The following ICE1 variants were observed in gnomAD, a reference collection of about 807,000 sequenced individuals.
ICE1 encodes the protein little elongation complex subunit 1.
A neutral mutation model predicts 192.7 loss-of-function variants in ICE1; 64 were observed. The ratio of observed to expected loss-of-function variants is 0.33; its 90% confidence interval spans 0.27 to 0.41. The LOEUF is 0.41. Among genes scored for constraint, ICE1 ranks in the 10% least tolerant of loss-of-function variants. ICE1 has a pLI of 1.00. For synonymous variants in ICE1, 1,010 were observed against 984.5 expected (o/e 1.03, Z -0.49); for missense variants, 2,708 against 2,696.0 (o/e 1.00, Z -0.10).
In ICE1 at chr5:5,465,050, G is replaced by A. The variant is rs1024906980; in HGVS notation, c.5716G>A (p.Glu1906Lys). The A allele has an allele frequency of 1.2e-6, 2 of 1,613,974 alleles. No homozygotes were observed. Among genetic ancestry groups the A allele is most frequent in the Non-Finnish European group, 1.7e-6 (2 of 1,179,880 alleles). The change falls in exon 13 of 19, where the codon GAA (glutamate) becomes AAA (lysine). Residue 1906 changes from glutamate (E) to lysine (K), a missense_variant. Coordinates refer to ENST00000296564, the MANE Select transcript of ICE1 (RefSeq NM_015325.3). The stretch of plus-strand genomic sequence containing the variant: ...TTCACAGTTGCCTTTAAGCCCAAAA[G>A]AAACTGTGGAGTCCCATGATAAAGC... ...AVSQLPLSPK[E>K]TVESHDKAIA...
At chr5:5,479,430 AAGTC>A (rs1739433285) in intron 17 of ICE1, among the ~76,000 whole-genome samples, 2 of 152,220 alleles carry the variant, frequency 1.3e-5, no homozygotes, top group Admixed American at 6.5e-5. Flanking sequence ...GATCATTAAA[AAGTC>A]AGGAAACAAC....
chr5:5,454,189 C>G (rs1471870511), intron 10 of ICE1, among the ~76,000 whole-genome samples: 2 of 152,152 alleles, frequency 1.3e-5, no homozygotes, highest in Admixed American at 1.3e-4. Context: ...CTTCCTTCCC[C>G]CATCTCAAAG....
chr5:5,436,475 G>A lies in ICE1; in HGVS notation c.142G>A (p.Asp48Asn). 1 of 1,461,588 alleles carries A rather than the reference G, an allele frequency of 6.8e-7. No individual in the cohort carries two copies. Among genetic ancestry groups the A allele is most frequent in the African/African-American group, 1.5e-5 (1 of 68,200 alleles). The allele number at this position is 1,461,588 out of a possible 1,614,324, so 90.5% of individuals were successfully genotyped here. The change falls in exon 2 of 19, where the codon GAT (aspartate) becomes AAT (asparagine). Residue 48 changes from aspartate (D) to asparagine (N), a missense_variant and splice_region_variant. By Grantham distance (23) the Asp-to-Asn change is conservative. Around this residue, in one of 2 missense-constraint regions of ICE1, gnomAD observed 2,366 missense variants for 2,276.6 expected, o/e 1.04. Transcript: ENST00000296564. ...CTTGAAACAAAAAATTATCAATACA[G>A]AGTAAGTATATTTGCATGTCGTTTG... ...ITLKQKIINT[D>N]NLLTEYQKKC...
Position 5,463,489 on chromosome 5 carries a change from T to C in ICE1, c.4155T>C (p.Ser1385=). 1 of 1,613,162 alleles carries C rather than the reference T, an allele frequency of 6.2e-7. No homozygotes were observed. The highest frequency in any genetic ancestry group is 8.5e-7 in the Non-Finnish European group (1 of 1,179,504). The change falls in exon 13 of 19, where the codon AGT becomes AGC. Residue 1385 remains serine, a synonymous_variant. Transcript: ENST00000296564. The part of the protein sequence containing the change: ...DSVMEPSIEQ[S]SNCEAETTFQ... Reference sequence around the variant, plus strand: ...TGATGGAGCCATCCATAGAGCAAAGTTCTAACTGCGAGGCCGAAACAACAT... The same window carrying C: ...TGATGGAGCCATCCATAGAGCAAAGCTCTAACTGCGAGGCCGAAACAACAT...
intron 17 of ICE1, among the ~76,000 whole-genome samples, chr5:5,478,016 T>C (rs1739368814): frequency 6.6e-6 from 1 of 152,182 alleles, no homozygotes; most frequent in Non-Finnish European, 1.5e-5. Flanking sequence ...ACAGCCAGTA[T>C]CATACTGAAT....
At position 5,464,775 on chromosome 5, in the gene ICE1, G is replaced by C. The variant is rs528886062; in HGVS notation, c.5441G>C (p.Gly1814Ala). The change falls in exon 13 of 19, where the codon GGT becomes GCT. Residue 1814 changes from glycine (G) to alanine (A), a missense_variant. Around this residue, in one of 2 missense-constraint regions of ICE1, gnomAD observed 2,366 missense variants for 2,276.6 expected, o/e 1.04. Coordinates refer to ENST00000296564, the MANE Select transcript of ICE1 (RefSeq NM_015325.3). This position sits in a 1 kb window ranked among gnomAD's most constrained non-coding sequence, Gnocchi z 4.0. ...TTTGTCAAAACTGGGAGCAGCTCTGGTGGTGACTGTAACCAAGACAAGTCA... is the reference window on the plus strand; with the variant it reads ...TTTGTCAAAACTGGGAGCAGCTCTGCTGGTGACTGTAACCAAGACAAGTCA... ...TAFVKTGSSS[G>A]GDCNQDKSRD... 12 of 1,613,800 alleles carry C rather than the reference G, an allele frequency of 7.4e-6. No individual in the cohort carries two copies. The highest frequency in any genetic ancestry group is 3.3e-4 in the Middle Eastern group (2 of 6,060).
At chr5:5,451,155 G>A (rs568767878) in intron 10 of ICE1, among the ~76,000 whole-genome samples, 1 of 151,974 alleles carries the variant, frequency 6.6e-6, no homozygotes, top group South Asian at 2.1e-4. Flanking sequence ...ACTCACATAA[G>A]ACACACAAAA....
In ICE1 at chr5:5,461,455, C is replaced by G. The variant is rs772425245; in HGVS notation, c.2121C>G (p.Ser707Arg). ...TGGAGAATAGCTTGTGTGCCTTGAG[C>G]CCTGAATTGGGAGCATCTAATTTTA... Reference protein sequence around the residue: ...NNLENSLCALSPELGASNFND... With the variant: ...NNLENSLCALRPELGASNFND... The change falls in exon 13 of 19, where the codon AGC (serine) becomes AGG (arginine). Residue 707 changes from serine (S) to arginine (R), a missense_variant. By Grantham distance (110) the Ser-to-Arg change is moderately radical. This residue lies in a region of ICE1 where 2,366 missense variants were observed against 2,276.6 expected (regional missense o/e 1.04). Transcript: ENST00000296564. The G allele has an allele frequency of 1.2e-6, 2 of 1,613,836 alleles. No homozygotes were observed. Among genetic ancestry groups the G allele is most frequent in the Non-Finnish European group, 1.7e-6 (2 of 1,179,894 alleles).
At chr5:5,446,731 G>A (rs1434823397) in intron 7 of ICE1, among the ~76,000 whole-genome samples, 1 of 152,102 alleles carries the variant, frequency 6.6e-6, no homozygotes, top group East Asian at 1.9e-4. Context: ...ACTTAATAAA[G>A]ATTACTGAGA....
At chr5:5,450,088 A>C (rs1738368430) in intron 10 of ICE1, among the ~76,000 whole-genome samples, 1 of 152,250 alleles carries the variant, frequency 6.6e-6, no homozygotes, top group South Asian at 2.1e-4. Flanking sequence ...TAAAACTTAG[A>C]GAAAAAGCAG....
Position 5,464,046 on chromosome 5 carries a change from C to G in ICE1, c.4712C>G (p.Ser1571Ter). Residue 1571 changes from serine (S) to a stop codon, truncating the protein, a stop_gained, in exon 13 of 19, where the codon TCA becomes TGA. Transcript: ENST00000296564. LOFTEE classifies it high-confidence loss of function. This position sits in a 1 kb window ranked among gnomAD's most constrained non-coding sequence, Gnocchi z 4.0. ...CAGTCAAACAAACCAGTAAAAACTTCAGCGTCGAGCAGAGTTGAAACTCAT... is the reference window on the plus strand; with the variant it reads ...CAGTCAAACAAACCAGTAAAAACTTGAGCGTCGAGCAGAGTTGAAACTCAT... ...KDQSNKPVKT[S>*]ASSRVETHQS... is the part of the protein sequence containing the mutation. The G allele has an allele frequency of 2.5e-6, 4 of 1,613,616 alleles. No homozygotes were observed. The highest frequency in any genetic ancestry group is 3.4e-6 in the Non-Finnish European group (4 of 1,179,866).
chr5:5,427,709 A>G (rs1196550523), intron 1 of ICE1, among the ~76,000 whole-genome samples: 1 of 152,220 alleles, frequency 6.6e-6, no homozygotes, highest in Non-Finnish European at 1.5e-5. Flanking sequence ...TTTACAAGGA[A>G]TGCTTACAAA....
At chr5:5,475,279 G>A (rs895796341) in intron 16 of ICE1, among the ~76,000 whole-genome samples, 2 of 152,184 alleles carry the variant, frequency 1.3e-5, no homozygotes, top group African/African-American at 4.8e-5. Context: ...TCTCCAGGTT[G>A]TTTACATCCA....
At chr5:5,447,958 G>C (rs901601656) in intron 10 of ICE1, 61 bp downstream of exon 10, 22 of 1,309,078 alleles carry the variant, frequency 1.7e-5, no homozygotes, top group Non-Finnish European at 2.1e-5. Context: ...TTGTGAGACT[G>C]TGTTTTGCTC....
chr5:5,463,242 G>C lies in ICE1; in HGVS notation c.3908G>C (p.Ser1303Thr), dbSNP rs1251105584. 1 of 1,612,404 alleles carries C rather than the reference G, an allele frequency of 6.2e-7. No homozygotes were observed. Among genetic ancestry groups the C allele is most frequent in the South Asian group, 1.1e-5 (1 of 90,496 alleles). ...NMTTENLKEK[S>T]PFRETTGSSS... ...ACCACTGAGAATTTAAAAGAGAAAA[G>C]TCCATTTCGGGAAACGACTGGCTCC... The change falls in exon 13 of 19, where the codon AGT becomes ACT. Residue 1303 changes from serine (S) to threonine (T), a missense_variant. By Grantham distance (58) the Ser-to-Thr change is moderately conservative (BLOSUM62 1). Transcript: ENST00000296564.
At chr5:5,430,749 A>C (rs1443113638) in intron 1 of ICE1, among the ~76,000 whole-genome samples, 2 of 152,176 alleles carry the variant, frequency 1.3e-5, no homozygotes, top group South Asian at 4.1e-4. Flanking sequence ...TGTTCAGTAT[A>C]GTTATGATTT....
At chr5:5,480,299 G>C (rs1739469066) in intron 17 of ICE1, among the ~76,000 whole-genome samples, 1 of 148,244 alleles carries the variant, frequency 6.7e-6, no homozygotes, top group Admixed American at 6.8e-5. Context: ...GCCCAGGCTG[G>C]AGTGCAGTGG....
At chr5:5,434,287 CT>C (rs1737806422) in intron 1 of ICE1, among the ~76,000 whole-genome samples, 1 of 152,158 alleles carries the variant, frequency 6.6e-6, no homozygotes, top group Admixed American at 6.5e-5. Context: ...ATTACCCTTA[CT>C]ATTCAATATT....
At chr5:5,487,512 A>G (rs1739666887) in intron 18 of ICE1, among the ~76,000 whole-genome samples, 1 of 152,210 alleles carries the variant, frequency 6.6e-6, no homozygotes, top group African/African-American at 2.4e-5. Flanking sequence ...GGTTGTCTTC[A>G]GCTTTCAGTG....
Sources: gnomAD v4.1 joint callset for allele counts (sites outside exome capture counted in the v4.1 genomes callset) on GRCh38, gnomAD v4.1.1 for gene constraint, gnomAD v4.1.1 regional missense constraint, Gnocchi (gnomAD v3.1) non-coding constraint, MANE v1.5 for transcripts, NCBI Gene and HGNC (gene_info 2026-07-23, HGNC 2026-07-21) for gene names.